The following ZNF618 variants were observed in gnomAD, a reference collection of about 807,000 sequenced individuals.
ZNF618 encodes neural precursor cell expressed, developmentally down-regulated 10.
In ZNF618, 34 loss-of-function variants were observed where a neutral mutation model predicts 103.0. That is an observed-to-expected ratio of 0.33 (90% CI 0.25 to 0.44). ZNF618 has a LOEUF of 0.44. Ranked by LOEUF, ZNF618 falls within the 20% of genes least tolerant of loss-of-function variation. The probability of loss-of-function intolerance (pLI) is 1.00; values close to 1 mark genes in which losing one functional copy is unlikely to be tolerated. For missense variants in ZNF618, 1,059 were observed against 1,295.4 expected (o/e 0.82, Z 2.80); for synonymous variants, 551 against 542.2 (o/e 1.02, Z -0.23).
In ZNF618 at chr9:114,049,385, A is replaced by C; in HGVS notation, c.2083A>C (p.Asn695His). The C allele has an allele frequency of 2.5e-6, 4 of 1,605,200 alleles. No individual in the cohort carries two copies. The highest frequency in any genetic ancestry group is 3.4e-6 in the Non-Finnish European group (4 of 1,176,170). The change falls in exon 15 of 15, where the codon AAC becomes CAC. Residue 695 changes from asparagine (N) to histidine (H), a missense_variant. This residue lies in a region of ZNF618 where 272 missense variants were observed against 380.1 expected (regional missense o/e 0.72). Coordinates refer to ENST00000374126, the MANE Select transcript of ZNF618 (RefSeq NM_001318042.2). ...LEETSPPPCW[N>H]SVTDSLLLVH... The stretch of plus-strand genomic sequence containing the variant: ...GGAGACGTCTCCACCACCCTGCTGG[A>C]ACTCGGTGACGGACTCACTGTTGCT...
chr9:114,002,207 A>C, intron 5 of ZNF618, 134 bp downstream of exon 5: 2 of 802,498 alleles, frequency 2.5e-6, no homozygotes, highest in Non-Finnish European at 4.2e-6. Flanking sequence ...TCCTACTTTC[A>C]TCAGTAGGAC....
chr9:113,975,517 T>G (rs950698606), intron 2 of ZNF618, among the ~76,000 whole-genome samples: 1 of 152,096 alleles, frequency 6.6e-6, no homozygotes, highest in African/African-American at 2.4e-5. Flanking sequence ...GCAATACAGA[T>G]TGAGTATTCC....
At chr9:114,019,436 A>G (rs891882296) in intron 10 of ZNF618, among the ~76,000 whole-genome samples, 1 of 152,208 alleles carries the variant, frequency 6.6e-6, no homozygotes, top group South Asian at 2.1e-4. Context: ...CAAAATGACC[A>G]TAGCATCTTT....
At chr9:113,976,060 AGG>A (rs373866805) in intron 2 of ZNF618, among the ~76,000 whole-genome samples, 1 of 152,310 alleles carries the variant, frequency 6.6e-6, no homozygotes, top group East Asian at 1.9e-4. Flanking sequence ...CATTCAACCT[AGG>A]CTCTGTAAAT....
intron 1 of ZNF618, among the ~76,000 whole-genome samples, chr9:113,951,519 A>ACACATATATGTGTGTATG (rs1835718388): frequency 1.6e-5 from 1 of 62,596 alleles, no homozygotes; most frequent in African/African-American, 5.5e-5. Context: ...ATGTGTGTAT[A>ACACATATATGTGTGTATG]TGTACACATA....
chr9:113,968,069 C>G (rs1018805890), intron 1 of ZNF618, among the ~76,000 whole-genome samples: 1 of 152,122 alleles, frequency 6.6e-6, no homozygotes, highest in Non-Finnish European at 1.5e-5. Flanking sequence ...CATCCGCAAT[C>G]CTGAAATTCA....
At chr9:114,011,550 T>C (rs1395587467) in intron 9 of ZNF618, among the ~76,000 whole-genome samples, 1 of 152,234 alleles carries the variant, frequency 6.6e-6, no homozygotes, top group Non-Finnish European at 1.5e-5. Flanking sequence ...GGAGCTGCCT[T>C]GTGAGACAAA....
At position 114,052,862 on chromosome 9, in the gene ZNF618, G is replaced by A. The variant is rs924562916; in HGVS notation, c.*2695G>A. 1 of 152,188 alleles carries A rather than the reference G, an allele frequency of 6.6e-6. No individual in the cohort carries two copies. Among genetic ancestry groups the A allele is most frequent in the Non-Finnish European group, 1.5e-5 (1 of 68,046 alleles). 9.4% of individuals were successfully genotyped at this position (152,188 alleles called of 1,614,324 possible). On this transcript the variant is annotated 3_prime_UTR_variant, in exon 15 of 15. Transcript: ENST00000374126. ...TCAGCATTCTTCTCTTTGAAGCATG[G>A]GATGTCTGTCCTCCAGGAAGAGATT...
intron 13 of ZNF618, among the ~76,000 whole-genome samples, chr9:114,041,446 G>T (rs2134466212): frequency 6.6e-6 from 1 of 152,290 alleles, no homozygotes; most frequent in African/African-American, 2.4e-5. Context: ...TCCTTCTAGG[G>T]TTTTTATAGT....
At chr9:113,919,947 G>T (rs895106700) in intron 1 of ZNF618, among the ~76,000 whole-genome samples, 3 of 152,234 alleles carry the variant, frequency 2.0e-5, no homozygotes, top group Non-Finnish European at 4.4e-5. Flanking sequence ...ATCCTCGTGG[G>T]TGGGGATGCT....
chr9:113,945,070 A>G (rs113130103), intron 1 of ZNF618, among the ~76,000 whole-genome samples: 6,642 of 152,174 alleles, frequency 0.044, 151 homozygotes, highest in African/African-American at 0.05. Flanking sequence ...CTACCAGCCC[A>G]GTTCCCTTTC....
intron 12 of ZNF618, among the ~76,000 whole-genome samples, chr9:114,035,989 G>A (rs941359286): frequency 6.6e-6 from 1 of 152,238 alleles, no homozygotes; most frequent in Non-Finnish European, 1.5e-5. Context: ...GTCTGTTGAT[G>A]TTGATGTTGT....
intron 2 of ZNF618, among the ~76,000 whole-genome samples, chr9:113,984,041 C>T (rs187485022): frequency 2.2e-4 from 34 of 152,230 alleles, no homozygotes; most frequent in East Asian, 1.4e-3. Context: ...GTATAAGAGG[C>T]GCACAACACT....
chr9:113,967,824 G>A (rs1170577798), intron 1 of ZNF618, among the ~76,000 whole-genome samples: 1 of 152,184 alleles, frequency 6.6e-6, no homozygotes, highest in Non-Finnish European at 1.5e-5. Flanking sequence ...GAGGATGGAG[G>A]CTGTGGAGAG....
At chr9:113,881,919 C>T (rs7039786) in intron 1 of ZNF618, among the ~76,000 whole-genome samples, 6 of 152,160 alleles carry the variant, frequency 3.9e-5, no homozygotes, top group Non-Finnish European at 8.8e-5. Context: ...GCTAGTAACT[C>T]CGGGATGATG....
chr9:113,943,110 ACTCCTCCTGGCGTGGTT>A (rs1401065548), intron 1 of ZNF618, among the ~76,000 whole-genome samples: 1 of 151,608 alleles, frequency 6.6e-6, no homozygotes, highest in African/African-American at 2.4e-5. Flanking sequence ...ACAACTCTTC[ACTCCTCCTGGCGTGGTT>A]TACAGAGCAA....
At chr9:114,034,332 T>G (rs10982042) in intron 12 of ZNF618, among the ~76,000 whole-genome samples, 52,699 of 151,904 alleles carry the variant, frequency 0.35, 9,777 homozygotes, top group East Asian at 0.66. Flanking sequence ...AACCGAGGTC[T>G]CCAGATGTGC....
rs1836548437 is a variant in ZNF618, at chr9:113,958,698, T to A, written c.34-10419T>A. On this transcript the variant is annotated intron_variant, in intron 1 of 14. Coordinates refer to ENST00000374126, the MANE Select transcript of ZNF618 (RefSeq NM_001318042.2). ...ACACTACCCTGTTGTTGCTGCTGGCTTCTTTCTTCCTGGTGTACTGCTGGA... is the reference window on the plus strand; with the variant it reads ...ACACTACCCTGTTGTTGCTGCTGGCATCTTTCTTCCTGGTGTACTGCTGGA... Among the ~76,000 whole-genome samples, 3 of 152,326 alleles carry A rather than the reference T, an allele frequency of 2.0e-5. No individual in the cohort carries two copies. In the South Asian group the frequency reaches 6.2e-4, roughly 32 times the overall value.
At chr9:113,899,928 A>G (rs1213293861) in intron 1 of ZNF618, among the ~76,000 whole-genome samples, 2 of 152,210 alleles carry the variant, frequency 1.3e-5, no homozygotes, top group Non-Finnish European at 2.9e-5. Flanking sequence ...TGATGTTGCT[A>G]TGAACATGGG....
Sources: allele counts gnomAD v4.1 joint callset (sites outside exome capture counted in the v4.1 genomes callset), GRCh38; gene constraint gnomAD v4.1.1; regional missense constraint gnomAD v4.1.1; transcripts MANE v1.5; gene names NCBI Gene and HGNC (gene_info 2026-07-23, HGNC 2026-07-21).